Variants in GLP2R observed in about 807,000 individuals in gnomAD.
The protein encoded by GLP2R is glucagon-like peptide 2 receptor.
In GLP2R, 59 loss-of-function variants were observed where a neutral mutation model predicts 68.2. That is an observed-to-expected ratio of 0.87 (90% CI 0.70 to 1.07). The LOEUF (loss-of-function observed/expected upper bound fraction) is 1.07. Among genes scored for constraint, GLP2R ranks in the 50% least tolerant of loss-of-function variants. The pLI is 0.00. For missense variants in GLP2R, 548 were observed against 677.4 expected (o/e 0.81, Z 2.12); for synonymous variants, 270 against 265.4 (o/e 1.02, Z -0.17).
intron 1 of GLP2R, among the ~76,000 whole-genome samples, chr17:9,828,016 G>C (rs575309041): frequency 2.6e-5 from 4 of 151,776 alleles, no homozygotes; most frequent in African/African-American, 4.8e-5. Flanking sequence ...CCATGGGCAG[G>C]GTGAGTCCCT....
chr17:9,879,292 A>AAAATAAAATAAAATAAAATAAAATAAAAT (rs1555574074), intron 10 of GLP2R, among the ~76,000 whole-genome samples: 1,913 of 16,330 alleles, frequency 0.12, 96 homozygotes, highest in South Asian at 0.22. Flanking sequence ...AAAATAAAAT[A>AAAATAAAATAAAATAAAATAAAATAAAAT]AATAAAATAA....
intron 8 of GLP2R, 114 bp downstream of exon 8, chr17:9,861,313 C>A: frequency 1.4e-6 from 1 of 732,912 alleles, no homozygotes; most frequent in Non-Finnish European, 2.4e-6. Context: ...CTCATTTTGG[C>A]CATCTAGAAT....
intron 1 of GLP2R, among the ~76,000 whole-genome samples, chr17:9,829,324 A>ATT (rs11379790): frequency 5.6e-5 from 8 of 143,660 alleles, no homozygotes; most frequent in Non-Finnish European, 7.7e-5. Flanking sequence ...AAAATTTTTA[A>ATT]TTTTTTTTTT....
At chr17:9,848,882 TGTGTGTGTGTGTGC>T (rs1366376612) in intron 4 of GLP2R, among the ~76,000 whole-genome samples, 81 of 144,810 alleles carry the variant, frequency 5.6e-4, no homozygotes, top group Non-Finnish European at 1.0e-3. Flanking sequence ...TGTGTGTGTG[TGTGTGTGTGTGTGC>T]GCTCACATAA....
intron 4 of GLP2R, among the ~76,000 whole-genome samples, chr17:9,852,183 CA>C (rs2066897967): frequency 6.6e-6 from 1 of 152,030 alleles, no homozygotes. Flanking sequence ...TTAAGCCCCA[CA>C]TGCATTAGGT....
rs1458330471 is a variant in GLP2R at position 9,859,962 on chromosome 17, A to G, written c.786A>G (p.Ser262=). The G allele has an allele frequency of 2.5e-6, 4 of 1,609,060 alleles. No individual in the cohort carries two copies. In the South Asian group the frequency reaches 4.4e-5, roughly 18 times the overall value. The change falls in exon 7 of 13, where the codon TCA becomes TCG. Residue 262 remains serine (S), a synonymous_variant. Transcript: ENST00000262441. The part of the protein sequence containing the change: ...YLSEMSTSCR[S]VQVLLHYFVG... ...TGCAGATGTCCACCTCCTGCCGCTC[A>G]GTCCAGGTTCTCTTGCATTACTTTG...
At chr17:9,879,570 A>C (rs1343566808) in intron 10 of GLP2R, among the ~76,000 whole-genome samples, 1 of 152,084 alleles carries the variant, frequency 6.6e-6, no homozygotes, top group Non-Finnish European at 1.5e-5. Context: ...AGGCCCAGGA[A>C]ACTATATGTA....
In GLP2R at chr17:9,891,884, G is replaced by T. The variant is rs1823617468; in HGVS notation, c.*2179G>T. The T allele has an allele frequency of 6.6e-6, 1 of 152,170 alleles. No homozygotes were observed. 9.4% of individuals were successfully genotyped at this position (152,170 alleles called of 1,614,324 possible). A position where few individuals can be genotyped will look rare whatever the true frequency, so the allele number is the denominator to read the frequency against. On this transcript the variant is annotated 3_prime_UTR_variant, in exon 13 of 13. Transcript: ENST00000262441. The stretch of plus-strand genomic sequence containing the variant: ...AGCACAGTGCCGGTTCAGAGCAGGT[G>T]CTCCACACACATTCCTGGAATGAGA...
chr17:9,836,284 G>A lies in GLP2R; in HGVS notation c.278-87G>A. 3 of 853,398 alleles carry A rather than the reference G, an allele frequency of 3.5e-6. No individual in the cohort carries two copies. In the South Asian group the frequency reaches 4.2e-5, roughly 12 times the overall value. The allele number at this position is 853,398 out of a possible 1,614,324, so 52.9% of individuals were successfully genotyped here. A position where few individuals can be genotyped will look rare whatever the true frequency, so the allele number is the denominator to read the frequency against. ...TTACACCAGCTTCCAGTGCCAGGAA[G>A]GTGGGCTCCCACGGTGCCTCTGCCT... is the stretch of plus-strand genomic sequence containing the variant. On this transcript the variant is annotated intron_variant, in intron 2 of 12. Transcript: ENST00000262441.
chr17:9,844,188 G>GA (rs2066814805), intron 4 of GLP2R, among the ~76,000 whole-genome samples: 1 of 152,222 alleles, frequency 6.6e-6, no homozygotes, highest in African/African-American at 2.4e-5. Context: ...GGACACAGGT[G>GA]GAGGTAGAGG....
chr17:9,831,130 C>G (rs904744716), intron 1 of GLP2R, among the ~76,000 whole-genome samples: 2 of 152,174 alleles, frequency 1.3e-5, no homozygotes, highest in African/African-American at 4.8e-5. Context: ...TACTGGTATA[C>G]CAGTCCTACC....
rs145293207 is a variant in GLP2R, at chr17:9,861,096, G to A, written c.926-43G>A. Reference sequence around the variant, plus strand: ...CTGTGGTGGGAGGCAAGCAGGTTTGGCCAACCAACTCCTAACTACATTTCC... The same window carrying A: ...CTGTGGTGGGAGGCAAGCAGGTTTGACCAACCAACTCCTAACTACATTTCC... On this transcript the variant is annotated intron_variant, in intron 7 of 12. Coordinates refer to ENST00000262441, the MANE Select transcript of GLP2R (RefSeq NM_004246.3). 15 of 1,527,150 alleles carry A rather than the reference G, an allele frequency of 9.8e-6. No individual in the cohort carries two copies. The East Asian group carries it at 3.2e-4, about 32-fold the overall frequency. The allele number at this position is 1,527,150 out of a possible 1,614,324, so 94.6% of individuals were successfully genotyped here.
chr17:9,851,187 A>T (rs1301693842), intron 4 of GLP2R, among the ~76,000 whole-genome samples: 5 of 152,238 alleles, frequency 3.3e-5, no homozygotes, highest in African/African-American at 1.2e-4. Context: ...TTATTTAATT[A>T]AATGTGTTAG....
At chr17:9,872,969 G>A (rs984122631) in intron 10 of GLP2R, among the ~76,000 whole-genome samples, 11 of 152,174 alleles carry the variant, frequency 7.2e-5, no homozygotes, top group Middle Eastern at 3.2e-3. Context: ...CAAGAAACCC[G>A]TAGCCCTGGG....
rs548935600 is a variant in GLP2R, at chr17:9,874,732, A to C, written c.1145+3897A>C. Among the ~76,000 whole-genome samples the C allele has an allele frequency of 3.3e-4, 50 of 152,310 alleles. 3 individuals carry two copies. In the South Asian group the frequency reaches 0.01, roughly 32 times the overall value. ...GTGGAAGGTGGGGATGGGGTAGAGC[A>C]TTCCTTTCTTGTGCCCACATGCCTC... is the stretch of plus-strand genomic sequence containing the variant. On this transcript the variant is annotated intron_variant, in intron 10 of 12. Transcript: ENST00000262441.
chr17:9,865,854 G>GGGCTTGAAGAGAAAT (rs1567731259), intron 9 of GLP2R: 2 of 471,180 alleles, frequency 4.2e-6, no homozygotes, highest in Admixed American at 4.7e-5. Flanking sequence ...TAGAGGAAAC[G>GGGCTTGAAGAGAAAT]GGCTTGAAGA....
At chr17:9,852,359 A>T (rs1270844110) in intron 4 of GLP2R, among the ~76,000 whole-genome samples, 2 of 152,104 alleles carry the variant, frequency 1.3e-5, no homozygotes, top group African/African-American at 4.8e-5. Context: ...GCTGAGAATG[A>T]TGGCTTCCAG....
At chr17:9,833,624 G>C (rs2066701086) in intron 1 of GLP2R, among the ~76,000 whole-genome samples, 183 bp from the exon 2 acceptor site, 1 of 152,194 alleles carries the variant, frequency 6.6e-6, no homozygotes, top group South Asian at 2.1e-4. Flanking sequence ...TTAGGTTATG[G>C]AGTGAATGTA....
intron 11 of GLP2R, among the ~76,000 whole-genome samples, chr17:9,886,073 C>T (rs2067241772): frequency 6.6e-6 from 1 of 152,222 alleles, no homozygotes; most frequent in Non-Finnish European, 1.5e-5. Context: ...TCCCACCAGG[C>T]AGAGGCAAGA....
Sources: allele counts gnomAD v4.1 joint callset (sites outside exome capture counted in the v4.1 genomes callset), GRCh38; gene constraint gnomAD v4.1.1; transcripts MANE v1.5; gene names NCBI Gene and HGNC (gene_info 2026-07-23, HGNC 2026-07-21).